ATP9A: variants seen among roughly 807,000 people sequenced by gnomAD.
ATP9A encodes the protein ATPase phospholipid transporting 9A.
In ATP9A, 52 loss-of-function variants were observed where a neutral mutation model predicts 144.1. That is an observed-to-expected ratio of 0.36 (90% CI 0.29 to 0.45). The LOEUF (loss-of-function observed/expected upper bound fraction) is 0.45. Among genes scored for constraint, ATP9A ranks in the 20% least tolerant of loss-of-function variants. The probability of loss-of-function intolerance (pLI) is 1.00; values close to 1 mark genes in which losing one functional copy is unlikely to be tolerated. For synonymous variants in ATP9A, 582 were observed against 557.4 expected, an observed-to-expected ratio of 1.04 and a Z score of -0.62; for missense variants, 947 against 1,392.7, an observed-to-expected ratio of 0.68 and a Z score of 5.09.
Position 51,608,514 on chromosome 20 carries a change from G to A in ATP9A, c.2745+4C>T. 1 of 1,578,368 alleles carries A rather than the reference G, an allele frequency of 6.3e-7. No homozygotes were observed. On this transcript the variant is annotated splice_donor_region_variant and intron_variant, in intron 25 of 27. Transcript: ENST00000338821. ...GGAAGGAGGGACTGAAAAGCTAACA[G>A]AACCTTGAGAAGATCCTTGTAGAGC...
At chr20:51,683,088 T>G (rs1483723550) in intron 9 of ATP9A, among the ~76,000 whole-genome samples, 1 of 150,420 alleles carries the variant, frequency 6.6e-6, no homozygotes. Context: ...CAAAACTTTG[T>G]CTCAAAAAAA....
At chr20:51,620,552 T>G (rs1198829261) in intron 19 of ATP9A, among the ~76,000 whole-genome samples, 1 of 152,132 alleles carries the variant, frequency 6.6e-6, no homozygotes, top group Non-Finnish European at 1.5e-5. Flanking sequence ...CTGTAACTCA[T>G]GCCTGCAGGA....
chr20:51,715,035 T>C (rs1248021894), intron 3 of ATP9A, among the ~76,000 whole-genome samples: 1 of 152,222 alleles, frequency 6.6e-6, no homozygotes, highest in Non-Finnish European at 1.5e-5. Context: ...TTGTCATTCC[T>C]TCCCCTATCC....
At position 51,600,085 on chromosome 20, in the gene ATP9A, A is replaced by G. The variant is rs529402154; in HGVS notation, c.*1126T>C. 1 of 152,300 alleles carries G rather than the reference A, an allele frequency of 6.6e-6. No individual in the cohort carries two copies. The highest frequency in any genetic ancestry group is 1.9e-4 in the East Asian group (1 of 5,170). 9.4% of individuals were successfully genotyped at this position (152,300 alleles called of 1,614,324 possible). A position where few individuals can be genotyped will look rare whatever the true frequency, so the allele number is the denominator to read the frequency against. ...CCCCTTGAAATCTGCCGGCAGTGGAACAGATCCCAGATCCCAACGCTGTAG... is the reference window on the plus strand; with the variant it reads ...CCCCTTGAAATCTGCCGGCAGTGGAGCAGATCCCAGATCCCAACGCTGTAG... On this transcript the variant is annotated 3_prime_UTR_variant, in exon 28 of 28. Transcript: ENST00000338821.
chr20:51,708,809 G>C (rs1003670153), intron 4 of ATP9A, among the ~76,000 whole-genome samples: 3 of 152,190 alleles, frequency 2.0e-5, no homozygotes, highest in African/African-American at 7.2e-5. Flanking sequence ...TGGAGGGACA[G>C]GATACAAAGT....
rs532394216 is a variant in ATP9A, at chr20:51,721,415, T to C, written c.327+4404A>G. Among the ~76,000 whole-genome samples, 5 of 151,910 alleles carry C rather than the reference T, an allele frequency of 3.3e-5. No individual in the cohort carries two copies. In the East Asian group the frequency reaches 7.8e-4, roughly 24 times the overall value. On this transcript the variant is annotated intron_variant, in intron 3 of 27. Transcript: ENST00000338821. ...GTAGGTGGATTCCTGAGCCCAGGAG[T>C]TGGAGATGAGTATGTGCCACATAAT... is the stretch of plus-strand genomic sequence containing the variant.
rs141567178 is a variant in ATP9A at position 51,667,418 on chromosome 20, G to A, written c.1293+2579C>T. Among the ~76,000 whole-genome samples, 660 of 152,342 alleles carry A rather than the reference G, an allele frequency of 4.3e-3. 8 individuals carry two copies. The highest frequency in any genetic ancestry group is 0.015 in the African/African-American group (620 of 41,570). On this transcript the variant is annotated intron_variant, in intron 13 of 27. Transcript: ENST00000338821. Reference sequence around the variant, plus strand: ...GGGCTGCGAGTGATACAGACATGTAGCTGGGTGCTGATATGCATGACAATC... The same window carrying A: ...GGGCTGCGAGTGATACAGACATGTAACTGGGTGCTGATATGCATGACAATC...
intron 15 of ATP9A, among the ~76,000 whole-genome samples, chr20:51,630,410 A>T (rs535684632): frequency 1.3e-5 from 2 of 152,324 alleles, no homozygotes; most frequent in East Asian, 3.9e-4. Flanking sequence ...GACAAAAGTG[A>T]CTGCATCTCA....
chr20:51,676,818 G>A (rs1056900757), intron 9 of ATP9A, among the ~76,000 whole-genome samples: 3 of 151,006 alleles, frequency 2.0e-5, no homozygotes, highest in South Asian at 2.1e-4. Flanking sequence ...GTTTCACCAC[G>A]TTGGCCAGGC....
intron 9 of ATP9A, among the ~76,000 whole-genome samples, chr20:51,678,230 A>G (rs1318843015): frequency 6.6e-6 from 1 of 152,108 alleles, no homozygotes; most frequent in Non-Finnish European, 1.5e-5. Flanking sequence ...AGCCCTGCCA[A>G]GCTCTCAGGG....
At chr20:51,693,478 A>ATTC (rs1344926454) in intron 7 of ATP9A, among the ~76,000 whole-genome samples, 1 of 152,068 alleles carries the variant, frequency 6.6e-6, no homozygotes, top group African/African-American at 2.4e-5. Flanking sequence ...CGCAGAACTG[A>ATTC]TTCTCAGTAA....
At position 51,748,948 on chromosome 20, in the gene ATP9A, T is replaced by TAGATAGATAGATAGATAGACAGAC. The variant is rs765791447; in HGVS notation, c.69-18971_69-18970insGTCTGTCTATCTATCTATCTATCT. ...ATAGATAGATAGATAGATAGATAGATAGACAGACAGACAGACAGACAGACA... is the reference window on the plus strand; with the variant it reads ...ATAGATAGATAGATAGATAGATAGATAGATAGATAGATAGATAGACAGACAGACAGACAGACAGACAGACAGACA... On this transcript the variant is annotated intron_variant, in intron 1 of 27. Transcript: ENST00000338821. 4.0e-3 allele frequency among the ~76,000 whole-genome samples: 550 copies of TAGATAGATAGATAGATAGACAGAC among 137,886 alleles called. 1 individual carries two copies. The highest frequency in any genetic ancestry group is 6.6e-3 in the Admixed American group (86 of 13,096). The allele number at this position is 137,886 out of a possible 152,430, so 90.5% of individuals were successfully genotyped here.
At chr20:51,679,016 G>A (rs1411214095) in intron 9 of ATP9A, among the ~76,000 whole-genome samples, 5 of 151,960 alleles carry the variant, frequency 3.3e-5, no homozygotes, top group Non-Finnish European at 7.4e-5. Context: ...AAATTCAGGA[G>A]CTTGCCTATC....
At chr20:51,693,412 G>C (rs1356057413) in intron 7 of ATP9A, among the ~76,000 whole-genome samples, 1 of 152,204 alleles carries the variant, frequency 6.6e-6, no homozygotes, top group African/African-American at 2.4e-5. Context: ...CAGGCACTGA[G>C]GTCGGAGCCT....
chr20:51,621,214 G>A (rs2077225729), intron 19 of ATP9A, among the ~76,000 whole-genome samples: 1 of 151,732 alleles, frequency 6.6e-6, no homozygotes. Flanking sequence ...CAAGAGTACT[G>A]ATTTGGAGGT....
chr20:51,626,795 A>G (rs902921960), intron 17 of ATP9A, among the ~76,000 whole-genome samples: 2 of 152,018 alleles, frequency 1.3e-5, no homozygotes, highest in African/African-American at 4.8e-5. Context: ...AGTGGCTCAC[A>G]CCTGTAATCC....
At chr20:51,622,336 A>C (rs930559687) in intron 18 of ATP9A, among the ~76,000 whole-genome samples, 164 bp from the exon 19 acceptor site, 4 of 152,178 alleles carry the variant, frequency 2.6e-5, no homozygotes, top group African/African-American at 9.7e-5. Flanking sequence ...GCCCTGGCTG[A>C]AGGGCTCTGG....
chr20:51,674,079 A>G lies in ATP9A; in HGVS notation c.1037+74T>C. On this transcript the variant is annotated intron_variant, in intron 11 of 27. Transcript: ENST00000338821. The stretch of plus-strand genomic sequence containing the variant: ...AAACAATAATAATAATAAAAGCCAC[A>G]GAACCATCATCTTTGAATGAGTAAA... 3 of 1,490,390 alleles carry G rather than the reference A, an allele frequency of 2.0e-6. No individual in the cohort carries two copies. The South Asian group carries it at 3.8e-5, about 19-fold the overall frequency. The allele number at this position is 1,490,390 out of a possible 1,614,324, so 92.3% of individuals were successfully genotyped here.
At chr20:51,697,278 T>C in intron 5 of ATP9A, 146 bp downstream of exon 5, 2 of 660,878 alleles carry the variant, frequency 3.0e-6, no homozygotes, top group Non-Finnish European at 5.3e-6. Flanking sequence ...TGTCTGTCTG[T>C]CTCACAGGAA....
Sources: allele counts gnomAD v4.1 joint callset (sites outside exome capture counted in the v4.1 genomes callset), GRCh38; gene constraint gnomAD v4.1.1; transcripts MANE v1.5; gene names NCBI Gene and HGNC (gene_info 2026-07-23, HGNC 2026-07-21).